The following ITGA9 variants were observed in gnomAD, a reference collection of about 807,000 sequenced individuals.
ITGA9 encodes integrin subunit alpha 9.
ITGA9 carries 56 observed loss-of-function variants against 127.8 expected under a neutral mutation model. The ratio of observed to expected loss-of-function variants is 0.44; its 90% CI spans 0.35 to 0.55. The LOEUF is 0.55. Among genes scored for constraint, ITGA9 ranks in the 20% least tolerant of loss-of-function variants. The pLI, the probability that ITGA9 is intolerant of heterozygous loss-of-function variation, is 0.00. For missense variants in ITGA9, 1,196 were observed against 1,347.1 expected (o/e 0.89, Z 1.76); for synonymous variants, 508 against 514.5 (o/e 0.99, Z 0.17).
chr3:37,483,130 A>C (rs1050634876), intron 4 of ITGA9, among the ~76,000 whole-genome samples: 14 of 152,100 alleles, frequency 9.2e-5, no homozygotes, highest in African/African-American at 3.4e-4. Flanking sequence ...TGATTGTTGA[A>C]CCATACTAGT....
At chr3:37,598,254 T>G (rs1238438505) in intron 15 of ITGA9, among the ~76,000 whole-genome samples, 2 of 151,964 alleles carry the variant, frequency 1.3e-5, no homozygotes, top group African/African-American at 4.8e-5. Context: ...AGAGCTCAAA[T>G]GAAGGGAAGA....
intron 15 of ITGA9, among the ~76,000 whole-genome samples, chr3:37,598,903 A>G (rs190716987): frequency 1.3e-4 from 20 of 152,242 alleles, no homozygotes; most frequent in Admixed American, 1.0e-3. Context: ...GGAGGGCTGC[A>G]CCAGTGACCA....
intron 15 of ITGA9, among the ~76,000 whole-genome samples, chr3:37,598,219 A>G (rs1248862182): frequency 6.6e-6 from 1 of 152,190 alleles, no homozygotes; most frequent in Non-Finnish European, 1.5e-5. Flanking sequence ...GTATAGAAAT[A>G]AAAAAGACTA....
intron 16 of ITGA9, among the ~76,000 whole-genome samples, chr3:37,632,206 C>G (rs1286524159): frequency 6.6e-6 from 1 of 152,108 alleles, no homozygotes; most frequent in Non-Finnish European, 1.5e-5. Flanking sequence ...TTTAAAAATG[C>G]AACACCTTAA....
At chr3:37,747,712 T>C (rs1206803239) in intron 22 of ITGA9, among the ~76,000 whole-genome samples, 3 of 133,038 alleles carry the variant, frequency 2.3e-5, no homozygotes, top group African/African-American at 3.4e-5. Context: ...CTTTCCTTTT[T>C]TTTCTTTTTT....
intron 17 of ITGA9, among the ~76,000 whole-genome samples, chr3:37,681,517 C>G (rs1212505983): frequency 6.6e-6 from 1 of 152,152 alleles, no homozygotes; most frequent in Non-Finnish European, 1.5e-5. Context: ...GGGTCTGCCC[C>G]CTTTCTGCTG....
Position 37,512,073 on chromosome 3 carries a change from TTTCCTTCCTTCC to T in ITGA9, c.898-1654_898-1643del, listed in dbSNP as rs1202058955. On this transcript the variant is annotated intron_variant, in intron 8 of 27. Coordinates refer to ENST00000264741, the MANE Select transcript of ITGA9 (RefSeq NM_002207.3). ...CTTTCTTTCTTTCTTTCTTTCTTTC[TTTCCTTCCTTCC>T]TTCCTTCCTTCCTTCCTTCCTTCCT... 1.9e-3 allele frequency among the ~76,000 whole-genome samples: 73 copies of T among 39,184 alleles called. 3 individuals carry two copies. Among genetic ancestry groups the T allele is most frequent in the South Asian group, 4.9e-3 (5 of 1,024 alleles). The allele number at this position is 39,184 out of a possible 152,430, so 25.7% of individuals were successfully genotyped here.
intron 15 of ITGA9, among the ~76,000 whole-genome samples, chr3:37,628,912 G>T (rs1021090482): frequency 6.6e-6 from 1 of 152,168 alleles, no homozygotes; most frequent in Non-Finnish European, 1.5e-5. Context: ...GTAAAGTAAT[G>T]TCTTCCATAT....
At chr3:37,791,127 C>T (rs964527520) in intron 26 of ITGA9, among the ~76,000 whole-genome samples, 5 of 152,080 alleles carry the variant, frequency 3.3e-5, no homozygotes, top group Non-Finnish European at 7.3e-5. Context: ...CTGAGGCCCA[C>T]AGAAGAGGAA....
chr3:37,520,095 CAT>C (rs1321408281), intron 11 of ITGA9, among the ~76,000 whole-genome samples: 3 of 152,162 alleles, frequency 2.0e-5, no homozygotes, highest in African/African-American at 7.2e-5. Flanking sequence ...ACTTCCTACT[CAT>C]ATGTATTTGT....
chr3:37,613,436 G>A (rs1287962596), intron 15 of ITGA9, among the ~76,000 whole-genome samples: 1 of 152,158 alleles, frequency 6.6e-6, no homozygotes, highest in East Asian at 1.9e-4. Flanking sequence ...GTGTGCATGT[G>A]TCTTTATAGC....
At chr3:37,669,967 G>A (rs557555403) in intron 17 of ITGA9, among the ~76,000 whole-genome samples, 4 of 152,312 alleles carry the variant, frequency 2.6e-5, no homozygotes, top group South Asian at 4.1e-4. Context: ...TTCAGTTACA[G>A]TCATAAGCCT....
At chr3:37,543,513 A>G (rs1447730843) in intron 15 of ITGA9, among the ~76,000 whole-genome samples, 5 of 152,236 alleles carry the variant, frequency 3.3e-5, no homozygotes, top group African/African-American at 4.8e-5. Flanking sequence ...AGGACCTTGA[A>G]TGGTGTCTGA....
chr3:37,749,175 C>G (rs1269729552), intron 22 of ITGA9: 1 of 200,202 alleles, frequency 5.0e-6, no homozygotes, highest in Non-Finnish European at 1.0e-5. Flanking sequence ...CTTGCCTTTG[C>G]CAGCCTCTAA....
intron 15 of ITGA9, among the ~76,000 whole-genome samples, chr3:37,569,078 A>T (rs1013309362): frequency 2.6e-5 from 4 of 152,194 alleles, no homozygotes; most frequent in Non-Finnish European, 5.9e-5. Flanking sequence ...GCTGATAGAC[A>T]CTGAGACTGG....
chr3:37,556,054 G>A (rs1399683214), intron 15 of ITGA9, among the ~76,000 whole-genome samples: 1 of 152,242 alleles, frequency 6.6e-6, no homozygotes, highest in African/African-American at 2.4e-5. Context: ...TCTTGCTAGT[G>A]CTGGGTGGAA....
intron 1 of ITGA9, among the ~76,000 whole-genome samples, chr3:37,463,026 C>T (rs1194116157): frequency 2.0e-5 from 3 of 152,180 alleles, no homozygotes; most frequent in Admixed American, 2.0e-4. Context: ...TGTCCCATCT[C>T]AGGGCCTTCA....
chr3:37,604,939 G>A (rs994223350), intron 15 of ITGA9, among the ~76,000 whole-genome samples: 6 of 152,184 alleles, frequency 3.9e-5, no homozygotes, highest in African/African-American at 1.4e-4. Flanking sequence ...TATTTCTGAA[G>A]CTTTTGATGG....
chr3:37,471,319 CA>C (rs1037684763), intron 2 of ITGA9, among the ~76,000 whole-genome samples, 185 bp downstream of exon 2: 1 of 150,964 alleles, frequency 6.6e-6, no homozygotes, highest in Non-Finnish European at 1.5e-5. Context: ...CACCAGTGAA[CA>C]AAAAAAACAA....
Sources: gnomAD v4.1 joint callset for allele counts (sites outside exome capture counted in the v4.1 genomes callset) on GRCh38, gnomAD v4.1.1 for gene constraint, MANE v1.5 for transcripts, NCBI Gene and HGNC (gene_info 2026-07-23, HGNC 2026-07-21) for gene names.